DRICH1: variants seen among roughly 807,000 people sequenced by gnomAD.
DRICH1 encodes aspartate rich 1, also known as aspartate-rich protein 1.
A neutral mutation model predicts 39.5 loss-of-function variants in DRICH1; 38 were observed. The ratio of observed to expected loss-of-function variants is 0.96; its 90% confidence interval spans 0.74 to 1.26. The LOEUF is 1.26. Ranked by LOEUF, DRICH1 falls within the 50% of genes most tolerant of loss-of-function variation. The probability of loss-of-function intolerance (pLI) is 0.00; values close to 1 mark genes in which losing one functional copy is unlikely to be tolerated. For synonymous variants in DRICH1, 84 were observed against 99.5 expected, an observed-to-expected ratio of 0.84 and a Z score of 0.93; for missense variants, 279 against 270.4, an observed-to-expected ratio of 1.03 and a Z score of -0.22.
chr22:23,632,111 C>A lies in DRICH1; in HGVS notation c.-88G>T. On this transcript the variant is annotated 5_prime_UTR_variant, in exon 1 of 12. Coordinates refer to ENST00000317749, the MANE Select transcript of DRICH1 (RefSeq NM_016449.4). Reference sequence around the variant, plus strand: ...CTAGCAGCCACACTACTGAGGGTGGCCCTGCACTTTTAGAAGCAGCCTGAC... The same window carrying A: ...CTAGCAGCCACACTACTGAGGGTGGACCTGCACTTTTAGAAGCAGCCTGAC... 1 of 1,565,590 alleles carries A rather than the reference C, an allele frequency of 6.4e-7. No homozygotes were observed.
At chr22:23,593,980 A>AAAAAAAGAAAG in the DRICH1 span, among the ~76,000 whole-genome samples, 3 of 137,160 alleles carry the variant, frequency 2.2e-5, no homozygotes, top group South Asian at 7.0e-4. Flanking sequence ...TCTGTCTCAA[A>AAAAAAAGAAAG]AAAAAAAAAA....
chr22:23,607,638 A>C (rs1602325254), downstream of DRICH1, among the ~76,000 whole-genome samples: 1 of 151,818 alleles, frequency 6.6e-6, no homozygotes, highest in African/African-American at 2.4e-5. Flanking sequence ...CCTGAACCAG[A>C]CCCTGGGTGG....
downstream of DRICH1, among the ~76,000 whole-genome samples, chr22:23,606,879 T>C (rs1221287666): frequency 2.0e-5 from 3 of 152,242 alleles, no homozygotes; most frequent in African/African-American, 7.2e-5. Context: ...TGCTGGCTTC[T>C]CAGGCCCCTG....
chr22:23,592,957 G>A, the DRICH1 span, among the ~76,000 whole-genome samples: 3 of 151,720 alleles, frequency 2.0e-5, no homozygotes, highest in East Asian at 1.9e-4. Flanking sequence ...CCTTGAACCC[G>A]GGAGGTGGAG....
At chr22:23,588,391 G>T in the DRICH1 span, among the ~76,000 whole-genome samples, 1 of 152,336 alleles carries the variant, frequency 6.6e-6, no homozygotes. Flanking sequence ...TTCCCAAAGT[G>T]CTGGGATCAC....
At chr22:23,607,837 G>A (rs1024925659), downstream of DRICH1, among the ~76,000 whole-genome samples, 1 of 152,140 alleles carries the variant, frequency 6.6e-6, no homozygotes, top group African/African-American at 2.4e-5. Context: ...ATCACTTTCT[G>A]TGTCATCCCC....
chr22:23,612,029 GAA>G, intron 11 of DRICH1, among the ~76,000 whole-genome samples: 1 of 152,092 alleles, frequency 6.6e-6, no homozygotes, highest in Admixed American at 6.6e-5. Context: ...CATCATTTTG[GAA>G]AAAGTTTGGC....
chr22:23,598,118 C>A, the DRICH1 span, among the ~76,000 whole-genome samples: 2 of 149,698 alleles, frequency 1.3e-5, no homozygotes, highest in Non-Finnish European at 3.0e-5. Context: ...CTGGCCCCCA[C>A]CCTACTCTCA....
the DRICH1 span, among the ~76,000 whole-genome samples, chr22:23,584,931 G>C: frequency 6.6e-6 from 1 of 152,106 alleles, no homozygotes; most frequent in Non-Finnish European, 1.5e-5. Flanking sequence ...CCAAAGGGCT[G>C]GGATTTAAGT....
the DRICH1 span, among the ~76,000 whole-genome samples, chr22:23,589,466 A>G: frequency 7.1e-3 from 1,053 of 148,842 alleles, 8 homozygotes; most frequent in African/African-American, 0.024. Context: ...AAAACCCAAA[A>G]AACATACATA....
At chr22:23,611,679 T>C (rs1018896230) in intron 11 of DRICH1, among the ~76,000 whole-genome samples, 1 of 152,172 alleles carries the variant, frequency 6.6e-6, no homozygotes, top group South Asian at 2.1e-4. Context: ...TGTAGCAGAA[T>C]GACATTTTGG....
In DRICH1 at chr22:23,614,141, GTCA is replaced by G; in HGVS notation, c.612_614del (p.Asp205del). ...AAAAAAAGGGAGGTCTTACGTGGATGTCATCATCATCTTCTTCTTCTTCATCTT... is the reference window on the plus strand; with the variant it reads ...AAAAAAAGGGAGGTCTTACGTGGATGTCATCATCTTCTTCTTCTTCATCTT... On this transcript the variant is annotated inframe_deletion, in exon 9 of 12. Transcript: ENST00000317749. 13 of 1,609,680 alleles carry G rather than the reference GTCA, an allele frequency of 8.1e-6. No homozygotes were observed. Among genetic ancestry groups the G allele is most frequent in the Non-Finnish European group, 1.1e-5 (13 of 1,175,946 alleles).
chr22:23,632,192 G>A lies in DRICH1; in HGVS notation c.-169C>T. ...TCTGCCGCCACCTCCCAAACTAGCT[G>A]GTCTATGAGGTCAGGGACCTGCTGT... On this transcript the variant is annotated 5_prime_UTR_variant, in exon 1 of 12. Transcript: ENST00000317749. 1.8e-6 allele frequency: 2 copies of A among 1,088,668 alleles called. No individual in the cohort carries two copies. The highest frequency in any genetic ancestry group is 3.3e-5 in the South Asian group (2 of 60,670). 67.4% of individuals were successfully genotyped at this position (1,088,668 alleles called of 1,614,324 possible).
the DRICH1 span, among the ~76,000 whole-genome samples, chr22:23,598,129 CCT>C: frequency 6.7e-6 from 1 of 149,884 alleles, no homozygotes; most frequent in East Asian, 1.9e-4. Flanking sequence ...CCTACTCTCA[CCT>C]CAGACCTCGC....
At chr22:23,613,954 A>G (rs1927193716) in intron 9 of DRICH1, among the ~76,000 whole-genome samples, 181 bp downstream of exon 9, 1 of 152,252 alleles carries the variant, frequency 6.6e-6, no homozygotes, top group Non-Finnish European at 1.5e-5. Flanking sequence ...GTCATTTAAA[A>G]GCACCCTAGT....
At chr22:23,597,558 CTGTT>C in the DRICH1 span, among the ~76,000 whole-genome samples, 1 of 149,894 alleles carries the variant, frequency 6.7e-6, no homozygotes, top group Non-Finnish European at 1.5e-5. Flanking sequence ...CACAGATAAA[CTGTT>C]GGTTGGGAGC....
At position 23,626,068 on chromosome 22, in the gene DRICH1, A is replaced by G. The variant is rs747561915; in HGVS notation, c.209-20T>C. On this transcript the variant is annotated intron_variant, in intron 1 of 11. Transcript: ENST00000317749. Reference sequence around the variant, plus strand: ...GGGGACCTAAAAGGACACAGAGTTAATGTCAGTGCCCTGGTGGTTGGAGAC... The same window carrying G: ...GGGGACCTAAAAGGACACAGAGTTAGTGTCAGTGCCCTGGTGGTTGGAGAC... 1 of 1,588,310 alleles carries G rather than the reference A, an allele frequency of 6.3e-7. No individual in the cohort carries two copies. Among genetic ancestry groups the G allele is most frequent in the Non-Finnish European group, 8.6e-7 (1 of 1,157,544 alleles).
At chr22:23,626,618 G>T (rs1041239157) in intron 1 of DRICH1, among the ~76,000 whole-genome samples, 7 of 152,108 alleles carry the variant, frequency 4.6e-5, no homozygotes, top group African/African-American at 1.7e-4. Context: ...GGTGTCCATT[G>T]GCCAATCATT....
chr22:23,587,033 G>A, the DRICH1 span, among the ~76,000 whole-genome samples: 4 of 152,162 alleles, frequency 2.6e-5, no homozygotes, highest in Non-Finnish European at 5.9e-5. Flanking sequence ...TCCTGCACAC[G>A]GGAGCTCTTC....
Sources: gnomAD v4.1 joint callset for allele counts (sites outside exome capture counted in the v4.1 genomes callset) on GRCh38, gnomAD v4.1.1 for gene constraint, MANE v1.5 for transcripts, NCBI Gene and HGNC (gene_info 2026-07-23, HGNC 2026-07-21) for gene names.